PTPN13: variants seen among roughly 807,000 people sequenced by gnomAD.
PTPN13 encodes tyrosine-protein phosphatase non-receptor type 13.
Under a neutral mutation model 284.0 loss-of-function variants are expected in PTPN13, and 191 were observed. That is an observed-to-expected ratio of 0.67 (90% confidence interval 0.60 to 0.76). The LOEUF is 0.76. PTPN13 is among the 30% of genes least tolerant of loss of function. PTPN13 has a pLI of 0.00. For missense variants in PTPN13, 2,797 were observed against 2,939.9 expected, an observed-to-expected ratio of 0.95 and a Z score of 1.12; for synonymous variants, 986 against 1,022.3, an observed-to-expected ratio of 0.96 and a Z score of 0.68.
chr4:86,785,798 T>C, intron 39 of PTPN13, 50 bp from the exon 40 acceptor site: 1 of 1,201,680 alleles, frequency 8.3e-7, no homozygotes, highest in Non-Finnish European at 1.2e-6. Flanking sequence ...ACTTTTCTAC[T>C]TCCTCAATAG....
At chr4:86,690,986 G>T (rs927534985) in intron 5 of PTPN13, among the ~76,000 whole-genome samples, 2 of 151,892 alleles carry the variant, frequency 1.3e-5, no homozygotes, top group African/African-American at 4.8e-5. Context: ...ATGAAAGAAG[G>T]CTATAAAATG....
chr4:86,809,567 G>A (rs551305064), intron 45 of PTPN13, among the ~76,000 whole-genome samples: 1 of 152,102 alleles, frequency 6.6e-6, no homozygotes, highest in Non-Finnish European at 1.5e-5. Flanking sequence ...GTGTGGCAAT[G>A]TGCGCCTGTA....
intron 26 of PTPN13, 55 bp downstream of exon 26, chr4:86,765,543 T>A (rs1258204376): frequency 4.9e-6 from 6 of 1,231,468 alleles, no homozygotes; most frequent in Non-Finnish European, 6.8e-6. Flanking sequence ...AACAAATAGA[T>A]AAGAAATTAT....
rs149341612 is a variant in PTPN13 at position 86,679,531 on chromosome 4, C to T, written c.294+6988C>T. The stretch of plus-strand genomic sequence containing the variant: ...AGATACCCTGGAGGTGTGACGCAGC[C>T]ACCTATGTTTTATCAGGCCCTTCAG... On this transcript the variant is annotated intron_variant, in intron 3 of 47. Transcript: ENST00000411767. 5.3e-5 allele frequency among the ~76,000 whole-genome samples: 8 copies of T among 152,310 alleles called. No individual in the cohort carries two copies. In the East Asian group the frequency reaches 1.5e-3, roughly 29 times the overall value.
chr4:86,758,820 C>A (rs1481482150), intron 22 of PTPN13, 35 bp downstream of exon 22: 4 of 1,599,750 alleles, frequency 2.5e-6, no homozygotes, highest in Non-Finnish European at 3.4e-6. Flanking sequence ...TAAGTATTTT[C>A]TGACAGGCAT....
intron 1 of PTPN13, among the ~76,000 whole-genome samples, chr4:86,631,141 C>A (rs946935914): frequency 6.6e-6 from 1 of 151,972 alleles, no homozygotes; most frequent in South Asian, 2.1e-4. Flanking sequence ...AATGTGATAA[C>A]GTCTGTTATA....
At chr4:86,624,921 A>G (rs1721662896) in intron 1 of PTPN13, among the ~76,000 whole-genome samples, 1 of 152,162 alleles carries the variant, frequency 6.6e-6, no homozygotes, top group South Asian at 2.1e-4. Context: ...CTGAATACAC[A>G]GTGAAAGCCA....
At chr4:86,716,779 T>G (rs1733071624) in intron 8 of PTPN13, among the ~76,000 whole-genome samples, 154 bp downstream of exon 8, 3 of 152,228 alleles carry the variant, frequency 2.0e-5, no homozygotes, top group Admixed American at 1.3e-4. Flanking sequence ...AGTAGTAGTA[T>G]TATAGAAACT....
intron 15 of PTPN13, among the ~76,000 whole-genome samples, chr4:86,738,656 T>C (rs2149157419): frequency 6.6e-6 from 1 of 152,294 alleles, no homozygotes; most frequent in East Asian, 1.9e-4. Flanking sequence ...TATTTACTCC[T>C]AGTCTGTGGC....
rs1228738909 is a variant in PTPN13 at position 86,734,361 on chromosome 4, A to G, written c.1917A>G (p.Gly639=). Residue 639 remains glycine, a synonymous_variant, in exon 13 of 48, where the codon GGA becomes GGG. Transcript: ENST00000411767. ...DLKLTKVAPE[G]WKEEPKKKTK... is the part of the protein sequence containing the mutation. ...AATTAACCAAAGTGGCCCCAGAGGG[A>G]TGGAAAGAAGAACCAAAGAAAAAGA... 1 of 1,561,834 alleles carries G rather than the reference A, an allele frequency of 6.4e-7. No homozygotes were observed. The highest frequency in any genetic ancestry group is 1.9e-5 in the Admixed American group (1 of 53,104).
chr4:86,655,329 C>T lies in PTPN13; in HGVS notation c.116-17036C>T, dbSNP rs560959659. 1.5e-3 allele frequency among the ~76,000 whole-genome samples: 223 copies of T among 152,276 alleles called. 1 individual carries two copies. The highest frequency in any genetic ancestry group is 5.3e-3 in the African/African-American group (219 of 41,560). On this transcript the variant is annotated intron_variant, in intron 2 of 47. Coordinates refer to ENST00000411767, the MANE Select transcript of PTPN13 (RefSeq NM_080683.3). The stretch of plus-strand genomic sequence containing the variant: ...TGCTCGTTAGTTGATGCAGTTTCTT[C>T]CTAGCATCGATGGTCTTTACAATTT...
chr4:86,760,784 C>T (rs1738578450), intron 23 of PTPN13, among the ~76,000 whole-genome samples: 1 of 151,804 alleles, frequency 6.6e-6, no homozygotes, highest in South Asian at 2.1e-4. Flanking sequence ...AAAGTATACA[C>T]CTGTGAAATT....
chr4:86,774,094 TAAGA>T (rs1280573160), intron 32 of PTPN13, among the ~76,000 whole-genome samples: 1 of 152,100 alleles, frequency 6.6e-6, no homozygotes, highest in Non-Finnish European at 1.5e-5. Context: ...CCTAAAAATA[TAAGA>T]AAGAAAGCAG....
chr4:86,701,548 T>G lies in PTPN13; in HGVS notation c.942T>G (p.Ser314=). The G allele has an allele frequency of 6.2e-7, 1 of 1,613,952 alleles. No individual in the cohort carries two copies. Among genetic ancestry groups the G allele is most frequent in the Non-Finnish European group, 8.5e-7 (1 of 1,179,848 alleles). Residue 314 remains serine (S), a synonymous_variant, in exon 7 of 48, where the codon TCT becomes TCG. Transcript: ENST00000411767. Reference sequence around the variant, plus strand: ...TTTGTACAGCTGACAGAGACTTCTCTTCAGGAGAGACTGCCACATATCGTC... The same window carrying G: ...TTTGTACAGCTGACAGAGACTTCTCGTCAGGAGAGACTGCCACATATCGTC... ...DLLCTADRDF[S]SGETATYRRC...
At chr4:86,607,413 A>C (rs997403258) in intron 1 of PTPN13, among the ~76,000 whole-genome samples, 2 of 151,982 alleles carry the variant, frequency 1.3e-5, no homozygotes, top group African/African-American at 4.8e-5. Context: ...CTATTTGAAT[A>C]TTATTGTGTG....
At chr4:86,618,304 G>A (rs1720813874) in intron 1 of PTPN13, among the ~76,000 whole-genome samples, 1 of 152,166 alleles carries the variant, frequency 6.6e-6, no homozygotes, top group South Asian at 2.1e-4. Context: ...TTTGGTACCA[G>A]TACCATGCTG....
intron 27 of PTPN13, among the ~76,000 whole-genome samples, chr4:86,766,989 G>T (rs540514934): frequency 1.3e-5 from 2 of 152,098 alleles, no homozygotes; most frequent in African/African-American, 4.8e-5. Flanking sequence ...GCGCAATCAC[G>T]GCTCACTGCA....
chr4:86,628,112 A>T (rs530442177), intron 1 of PTPN13, among the ~76,000 whole-genome samples: 1 of 152,256 alleles, frequency 6.6e-6, no homozygotes, highest in African/African-American at 2.4e-5. Flanking sequence ...TTAAGTGTAT[A>T]TTTAACTTTT....
intron 23 of PTPN13, among the ~76,000 whole-genome samples, chr4:86,761,171 A>ATAT (rs1166814661): frequency 4.3e-4 from 37 of 85,930 alleles, no homozygotes; most frequent in South Asian, 6.9e-4. Flanking sequence ...TATATATATA[A>ATAT]ACACAACACA....
Sources: allele counts gnomAD v4.1 joint callset (sites outside exome capture counted in the v4.1 genomes callset), GRCh38; gene constraint gnomAD v4.1.1; transcripts MANE v1.5; gene names NCBI Gene and HGNC (gene_info 2026-07-23, HGNC 2026-07-21).